Variants in ADGRB3 observed in about 807,000 individuals in gnomAD.
The protein encoded by ADGRB3 is adhesion G protein-coupled receptor B3.
ADGRB3 carries 37 observed loss-of-function variants against 193.4 expected under a neutral mutation model. The observed-to-expected ratio is 0.19, with a 90% CI of 0.15 to 0.25. The LOEUF (loss-of-function observed/expected upper bound fraction) is 0.25. ADGRB3 is among the 10% of genes least tolerant of loss of function. The probability of loss-of-function intolerance (pLI) is 1.00; values close to 1 mark genes in which losing one functional copy is unlikely to be tolerated. For missense variants in ADGRB3, 1,637 were observed against 1,852.9 expected, an observed-to-expected ratio of 0.88 and a Z score of 2.14; for synonymous variants, 690 against 644.2, an observed-to-expected ratio of 1.07 and a Z score of -1.08.
intron 13 of ADGRB3, among the ~76,000 whole-genome samples, chr6:69,021,767 C>G (rs1770278022): frequency 6.6e-6 from 1 of 151,734 alleles, no homozygotes; most frequent in South Asian, 2.1e-4. Flanking sequence ...AAAAATAGTT[C>G]AAATGAAAAA....
At chr6:68,747,353 T>A (rs1304570468) in intron 3 of ADGRB3, among the ~76,000 whole-genome samples, 1 of 152,170 alleles carries the variant, frequency 6.6e-6, no homozygotes, top group Non-Finnish European at 1.5e-5. Flanking sequence ...GCAAAGGTAG[T>A]GAAATCACTC....
At chr6:69,354,212 A>G (rs1313259259) in intron 26 of ADGRB3, 21 bp from the exon 27 acceptor site, 4 of 1,573,764 alleles carry the variant, frequency 2.5e-6, no homozygotes, top group Middle Eastern at 1.7e-4. Flanking sequence ...AAGAAAATTA[A>G]TGTGTTCCCC....
At chr6:69,236,880 CT>C (rs1766277370) in intron 19 of ADGRB3, among the ~76,000 whole-genome samples, 1 of 151,946 alleles carries the variant, frequency 6.6e-6, no homozygotes, top group South Asian at 2.1e-4. Flanking sequence ...TCTGTTAACA[CT>C]TGAGATGAAC....
At chr6:69,229,593 G>GTT (rs1293882090) in intron 17 of ADGRB3, among the ~76,000 whole-genome samples, 2 of 152,134 alleles carry the variant, frequency 1.3e-5, no homozygotes, top group Admixed American at 6.5e-5. Flanking sequence ...CAGTTTTATA[G>GTT]AAGACTGAAG....
chr6:68,698,587 CA>C (rs1381094358), intron 3 of ADGRB3, among the ~76,000 whole-genome samples: 2 of 151,876 alleles, frequency 1.3e-5, no homozygotes, highest in African/African-American at 4.8e-5. Flanking sequence ...TGCTGTATGA[CA>C]AGCACAAAAG....
intron 15 of ADGRB3, 65 bp from the exon 16 acceptor site, chr6:69,062,869 G>A: frequency 3.5e-6 from 4 of 1,148,072 alleles, no homozygotes; most frequent in East Asian, 4.9e-5. Flanking sequence ...AAAATGTATT[G>A]AGCAGTAGGA....
chr6:69,357,032 T>A (rs1769351719), intron 28 of ADGRB3, among the ~76,000 whole-genome samples: 1 of 152,090 alleles, frequency 6.6e-6, no homozygotes, highest in Admixed American at 6.6e-5. Flanking sequence ...CTTAAAGCAA[T>A]TATCATTTAG....
intron 29 of ADGRB3, among the ~76,000 whole-genome samples, chr6:69,367,847 G>A (rs891166758): frequency 6.6e-6 from 1 of 151,912 alleles, no homozygotes; most frequent in African/African-American, 2.4e-5. Flanking sequence ...CCTTTGTAGG[G>A]ACATGGATGA....
At chr6:69,343,863 G>A (rs1382418455) in intron 26 of ADGRB3, among the ~76,000 whole-genome samples, 2 of 152,118 alleles carry the variant, frequency 1.3e-5, no homozygotes, top group East Asian at 3.9e-4. Context: ...GTATGGAGGT[G>A]TTTCTTCATT....
intron 8 of ADGRB3, among the ~76,000 whole-genome samples, chr6:68,964,444 G>T (rs1354660946): frequency 6.6e-6 from 1 of 152,120 alleles, no homozygotes; most frequent in Admixed American, 6.6e-5. Flanking sequence ...TTCTCCCAGT[G>T]TGCCTCCAAA....
chr6:68,834,148 A>G (rs1026063507), intron 3 of ADGRB3, among the ~76,000 whole-genome samples: 1 of 152,092 alleles, frequency 6.6e-6, no homozygotes, highest in East Asian at 1.9e-4. Flanking sequence ...CTAAATGGTA[A>G]ACTCTTTTAT....
At chr6:68,844,431 A>C (rs1768233334) in intron 3 of ADGRB3, among the ~76,000 whole-genome samples, 1 of 152,180 alleles carries the variant, frequency 6.6e-6, no homozygotes. Context: ...TGTGAATGAA[A>C]GCTGCAATGA....
chr6:69,031,092 TTC>T (rs1770661409), intron 13 of ADGRB3, among the ~76,000 whole-genome samples: 1 of 93,652 alleles, frequency 1.1e-5, no homozygotes, highest in African/African-American at 4.3e-5. Flanking sequence ...TTCTCTTCTC[TTC>T]TCTTCTCTTC....
At chr6:69,360,499 A>G (rs1049499156) in intron 28 of ADGRB3, among the ~76,000 whole-genome samples, 2 of 151,912 alleles carry the variant, frequency 1.3e-5, no homozygotes, top group African/African-American at 4.8e-5. Flanking sequence ...TATGTTCATA[A>G]TTTTACAAAA....
chr6:68,704,751 C>A (rs1396474827), intron 3 of ADGRB3, among the ~76,000 whole-genome samples: 1 of 152,120 alleles, frequency 6.6e-6, no homozygotes, highest in Non-Finnish European at 1.5e-5. Context: ...GCAAAGGGCT[C>A]CTTTTAGCAG....
chr6:69,233,405 C>T lies in ADGRB3; in HGVS notation c.2596C>T (p.Pro866Ser), dbSNP rs1267423548. 11 of 1,613,846 alleles carry T rather than the reference C, an allele frequency of 6.8e-6. No homozygotes were observed. The highest frequency in any genetic ancestry group is 8.5e-6 in the Non-Finnish European group (10 of 1,179,970). ...LSTFAILAQQPREIIMESSGT... is the reference protein window; with the variant it reads ...LSTFAILAQQSREIIMESSGT... Reference sequence around the variant, plus strand: ...TACCTTCGCCATTTTGGCTCAGCAACCTAGAGAAATAGTAAGTAACAAAGG... The same window carrying T: ...TACCTTCGCCATTTTGGCTCAGCAATCTAGAGAAATAGTAAGTAACAAAGG... Residue 866 changes from proline (P) to serine (S), a missense_variant, in exon 18 of 32, where the codon CCT becomes TCT. By Grantham distance (74) the Pro-to-Ser change is moderately conservative. Coordinates refer to ENST00000370598, the MANE Select transcript of ADGRB3 (RefSeq NM_001704.3).
intron 28 of ADGRB3, 59 bp downstream of exon 28, chr6:69,355,919 T>C (rs1769328594): frequency 7.2e-7 from 1 of 1,383,798 alleles, no homozygotes; most frequent in Non-Finnish European, 1.0e-6. Flanking sequence ...TTTCTATAGA[T>C]TTTAATTTTA....
chr6:68,743,855 G>A (rs1015678136), intron 3 of ADGRB3, among the ~76,000 whole-genome samples: 6 of 152,018 alleles, frequency 3.9e-5, no homozygotes, highest in African/African-American at 1.4e-4. Flanking sequence ...CAGAAATTAA[G>A]AATCATAGCG....
chr6:69,158,789 A>G (rs898857444), intron 17 of ADGRB3, among the ~76,000 whole-genome samples: 10 of 152,066 alleles, frequency 6.6e-5, no homozygotes, highest in Non-Finnish European at 1.3e-4. Context: ...CAAAGGGATC[A>G]TAAGAGCACT....
Sources: gnomAD v4.1 joint callset for allele counts (sites outside exome capture counted in the v4.1 genomes callset) on GRCh38, gnomAD v4.1.1 for gene constraint, MANE v1.5 for transcripts, NCBI Gene and HGNC (gene_info 2026-07-23, HGNC 2026-07-21) for gene names.